CDH19: variants seen among roughly 807,000 people sequenced by gnomAD.
CDH19 encodes cadherin 19, also known as cadherin-19.
A neutral mutation model predicts 64.2 loss-of-function variants in CDH19; 67 were observed. The ratio of observed to expected loss-of-function variants is 1.04; its 90% confidence interval spans 0.86 to 1.28. The LOEUF (loss-of-function observed/expected upper bound fraction) is 1.28. Ranked by LOEUF, CDH19 falls within the 50% of genes most tolerant of loss-of-function variation. CDH19 has a pLI of 0.00. For missense variants in CDH19, 1,030 were observed against 929.0 expected (o/e 1.11, Z -1.41); for synonymous variants, 346 against 319.3 (o/e 1.08, Z -0.89).
intron 9 of CDH19, 85 bp downstream of exon 9, chr18:66,529,757 TAAC>T (rs1986366323): frequency 1.9e-6 from 1 of 514,938 alleles, no homozygotes; most frequent in Admixed American, 3.5e-5. Context: ...ATCTATTATA[TAAC>T]AATATTGTAT....
intron 1 of CDH19, among the ~76,000 whole-genome samples, chr18:66,586,938 A>G (rs1988597069): frequency 6.6e-6 from 1 of 151,990 alleles, no homozygotes; most frequent in South Asian, 2.1e-4. Context: ...TTATATTAAC[A>G]TTTTAATTTT....
chr18:66,541,213 G>A lies in CDH19; in HGVS notation c.1214+2758C>T, dbSNP rs181266964. Reference sequence around the variant, plus strand: ...GGAATTTCCATGCTTTACAGAAACAGCAGGTGATTCTTACTTAGTAGGAAA... The same window carrying A: ...GGAATTTCCATGCTTTACAGAAACAACAGGTGATTCTTACTTAGTAGGAAA... On this transcript the variant is annotated intron_variant, in intron 7 of 11. Coordinates refer to ENST00000262150, the MANE Select transcript of CDH19 (RefSeq NM_021153.4). Among the ~76,000 whole-genome samples the A allele has an allele frequency of 4.6e-5, 7 of 152,172 alleles. No individual in the cohort carries two copies. The East Asian group carries it at 1.4e-3, about 29-fold the overall frequency.
At position 66,503,628 on chromosome 18, in the gene CDH19, T is replaced by C. The variant is rs766682825; in HGVS notation, c.*1184A>G. ...AATATTGACTTGTATTTTGCTATTG[T>C]ATTTTGACATAAGAATGTGTTTTGA... On this transcript the variant is annotated 3_prime_UTR_variant, in exon 12 of 12. Transcript: ENST00000262150. The C allele has an allele frequency of 2.6e-5, 4 of 151,918 alleles. No individual in the cohort carries two copies. Among genetic ancestry groups the C allele is most frequent in the Non-Finnish European group, 1.5e-5 (1 of 67,878 alleles). 9.4% of individuals were successfully genotyped at this position (151,918 alleles called of 1,614,324 possible).
chr18:66,539,599 C>T (rs1022645436), intron 7 of CDH19, among the ~76,000 whole-genome samples: 1 of 151,936 alleles, frequency 6.6e-6, no homozygotes. Context: ...ATAGACACAT[C>T]CTTGCATTCC....
intron 1 of CDH19, among the ~76,000 whole-genome samples, chr18:66,598,047 A>T (rs1988948937): frequency 6.6e-6 from 1 of 152,172 alleles, no homozygotes; most frequent in African/African-American, 2.4e-5. Flanking sequence ...ATAAAAAAAA[A>T]TATTCCAAAT....
intron 9 of CDH19, among the ~76,000 whole-genome samples, chr18:66,524,569 T>TATATATATATATA (rs1276593665): frequency 7.4e-6 from 1 of 135,164 alleles, no homozygotes; most frequent in South Asian, 2.5e-4. Context: ...TATATATATA[T>TATATATATATATA]AAACATCATC....
chr18:66,554,610 CA>C, intron 3 of CDH19, 86 bp from the exon 4 acceptor site: 1 of 1,058,392 alleles, frequency 9.4e-7, no homozygotes, highest in Non-Finnish European at 1.3e-6. Context: ...CTTTACCAAG[CA>C]AGATGTTGTT....
chr18:66,560,556 A>G (rs534620043), intron 3 of CDH19, among the ~76,000 whole-genome samples: 1 of 152,220 alleles, frequency 6.6e-6, no homozygotes, highest in Non-Finnish European at 1.5e-5. Context: ...GGGGAAAAGC[A>G]AAAATTTCAG....
At position 66,504,859 on chromosome 18, in the gene CDH19, T is replaced by G. The variant is rs748234081; in HGVS notation, c.2272A>C (p.Lys758Gln). The G allele has an allele frequency of 6.2e-7, 1 of 1,610,468 alleles. No individual in the cohort carries two copies. Among genetic ancestry groups the G allele is most frequent in the Admixed American group, 1.7e-5 (1 of 59,812 alleles). The part of the protein sequence containing the change: ...DYLNELGPRF[K>Q]RLACMFGSAV... ...GAACCAAACATGCATGCTAATCTTT[T>G]AAAGCGAGGTCCCAACTCATTAAGG... The change falls in exon 12 of 12, where the codon AAA (lysine) becomes CAA (glutamine). Residue 758 changes from lysine to glutamine, a missense_variant. By Grantham distance (53) the Lys-to-Gln change is moderately conservative. Coordinates refer to ENST00000262150, the MANE Select transcript of CDH19 (RefSeq NM_021153.4).
At chr18:66,567,505 A>T (rs988788640) in intron 3 of CDH19, among the ~76,000 whole-genome samples, 1 of 151,902 alleles carries the variant, frequency 6.6e-6, no homozygotes, top group Admixed American at 6.6e-5. Flanking sequence ...TGCTGTATTT[A>T]AAGACCTATG....
rs552558793 is a variant in CDH19, at chr18:66,567,732, T to C, written c.490+684A>G. ...TTAAGTAAATTTTTGAATTAAACTT[T>C]CCAGTATATTGTGCTACAAAAATTT... is the stretch of plus-strand genomic sequence containing the variant. On this transcript the variant is annotated intron_variant, in intron 3 of 11. Transcript: ENST00000262150. 1.1e-4 allele frequency among the ~76,000 whole-genome samples: 16 copies of C among 152,042 alleles called. No individual in the cohort carries two copies. In the East Asian group the frequency reaches 3.1e-3, roughly 29 times the overall value.
intron 1 of CDH19, among the ~76,000 whole-genome samples, chr18:66,595,321 CAT>C (rs1988855734): frequency 1.3e-5 from 2 of 150,738 alleles, no homozygotes; most frequent in African/African-American, 4.9e-5. Context: ...CCAGAGTTAA[CAT>C]AAAAAATAGC....
At chr18:66,579,637 C>T (rs1212434311) in intron 1 of CDH19, among the ~76,000 whole-genome samples, 2 of 151,966 alleles carry the variant, frequency 1.3e-5, no homozygotes, top group African/African-American at 4.8e-5. Context: ...AAAGATATTG[C>T]TCTAGATTAA....
intron 8 of CDH19, among the ~76,000 whole-genome samples, chr18:66,530,396 T>C (rs1986397264): frequency 6.6e-6 from 1 of 152,092 alleles, no homozygotes; most frequent in Non-Finnish European, 1.5e-5. Flanking sequence ...AAAATTACAG[T>C]TAAATTACTT....
At chr18:66,601,661 G>T (rs566316002) in intron 1 of CDH19, among the ~76,000 whole-genome samples, 1 of 152,008 alleles carries the variant, frequency 6.6e-6, no homozygotes, top group South Asian at 2.1e-4. Context: ...ATGTATTCTA[G>T]AGTATGTTTT....
intron 2 of CDH19, 61 bp downstream of exon 2, chr18:66,571,949 C>T: frequency 7.8e-7 from 1 of 1,281,802 alleles, no homozygotes; most frequent in Admixed American, 2.1e-5. Context: ...CTCCAAACTT[C>T]TCCAACATAT....
In CDH19 at chr18:66,568,488, C is replaced by A; in HGVS notation, c.418G>T (p.Asp140Tyr). The A allele has an allele frequency of 6.2e-7, 1 of 1,612,164 alleles. No individual in the cohort carries two copies. Among genetic ancestry groups the A allele is most frequent in the Non-Finnish European group, 8.5e-7 (1 of 1,178,860 alleles). ...PESEFVIKVS[D>Y]INDNEPKFLD... Reference sequence around the variant, plus strand: ...AATTTTGGTTCATTGTCATTGATATCCGAAACTTTGATGACAAACTCAGAC... The same window carrying A: ...AATTTTGGTTCATTGTCATTGATATACGAAACTTTGATGACAAACTCAGAC... The change falls in exon 3 of 12, where the codon GAT becomes TAT. Residue 140 changes from aspartate to tyrosine, a missense_variant. Coordinates refer to ENST00000262150, the MANE Select transcript of CDH19 (RefSeq NM_021153.4).
At chr18:66,534,079 CAAGTTTTTCCTTAAAATGAAAA>C (rs1277425138) in intron 8 of CDH19, among the ~76,000 whole-genome samples, 1 of 150,982 alleles carries the variant, frequency 6.6e-6, no homozygotes, top group Non-Finnish European at 1.5e-5. Flanking sequence ...CTTGTTCCAA[CAAGTTTTTCCTTAAAATGAAAA>C]AAAAAAATTG....
At chr18:66,574,334 A>G (rs1327471869) in intron 1 of CDH19, among the ~76,000 whole-genome samples, 1 of 151,758 alleles carries the variant, frequency 6.6e-6, no homozygotes, top group Admixed American at 6.6e-5. Flanking sequence ...TGACATCTTT[A>G]GTAGACTAGG....
Sources: allele counts gnomAD v4.1 joint callset (sites outside exome capture counted in the v4.1 genomes callset), GRCh38; gene constraint gnomAD v4.1.1; transcripts MANE v1.5; gene names NCBI Gene and HGNC (gene_info 2026-07-23, HGNC 2026-07-21).